The following NCOA4 variants were observed in gnomAD, a reference collection of about 807,000 sequenced individuals.
NCOA4 encodes nuclear receptor coactivator 4.
Under a neutral mutation model 69.5 loss-of-function variants are expected in NCOA4, and 31 were observed. That is an observed-to-expected ratio of 0.45 (90% CI 0.34 to 0.60). The LOEUF (loss-of-function observed/expected upper bound fraction) is 0.60, where lower values mean the gene tolerates loss of function less well. Among genes scored for constraint, NCOA4 ranks in the 20% least tolerant of loss-of-function variants. NCOA4 has a pLI of 0.02. For missense variants in NCOA4, 600 were observed against 719.2 expected, an observed-to-expected ratio of 0.83 and a Z score of 1.90; for synonymous variants, 228 against 252.4, an observed-to-expected ratio of 0.90 and a Z score of 0.92.
chr10:46,016,544 C>T lies in NCOA4; in HGVS notation c.137G>A (p.Arg46Gln), dbSNP rs1554923257. 10 of 1,517,448 alleles carry T rather than the reference C, an allele frequency of 6.6e-6. No individual in the cohort carries two copies. Among genetic ancestry groups the T allele is most frequent in the African/African-American group, 1.4e-5 (1 of 72,532 alleles). 94.0% of individuals were successfully genotyped at this position (1,517,448 alleles called of 1,614,324 possible). ...AGAGAAAAGCACATGTCACACCTCTCGCAAGTTATCTTTAATTTGCTGTTC... is the reference window on the plus strand; with the variant it reads ...AGAGAAAAGCACATGTCACACCTCTTGCAAGTTATCTTTAATTTGCTGTTC... ...RAEQQIKDNLREVKAQIHSCI... is the reference protein window; with the variant it reads ...RAEQQIKDNLQEVKAQIHSCI... Residue 46 changes from arginine to glutamine, a missense_variant, in exon 2 of 10, where the codon CGA (arginine) becomes CAA (glutamine). Coordinates refer to ENST00000581486, the MANE Select transcript of NCOA4 (RefSeq NM_001145263.2).
intron 1 of NCOA4, among the ~76,000 whole-genome samples, chr10:46,021,977 TA>T (rs1839896722): frequency 6.6e-6 from 1 of 151,740 alleles, no homozygotes; most frequent in Non-Finnish European, 1.5e-5. Context: ...AATAAATAAA[TA>T]AATAAACAGT....
intron 9 of NCOA4, 34 bp downstream of exon 9, chr10:46,009,377 T>C (rs1554920533): frequency 6.3e-7 from 1 of 1,590,148 alleles, no homozygotes; most frequent in Admixed American, 1.8e-5. Context: ...TAAATAGCTA[T>C]AATCTAATTT....
chr10:46,022,503 C>G (rs1554924631), intron 1 of NCOA4: 2 of 456,300 alleles, frequency 4.4e-6, no homozygotes, highest in Non-Finnish European at 8.9e-6. Flanking sequence ...TCTAGCTCTG[C>G]CGCCCAGGCT....
Position 46,010,643 on chromosome 10 carries a change from A to G in NCOA4, c.1278T>C (p.Ala426=), listed in dbSNP as rs782001538. The change falls in exon 8 of 10, where the codon GCT becomes GCC. Residue 426 remains alanine (A), a synonymous_variant. Transcript: ENST00000581486. ...CTTTCTTCAGAAGCCACTTATACAG[A>G]GCCTCCTTCTCACAATTCTCATCAC... is the stretch of plus-strand genomic sequence containing the variant. ...CVCDENCEKE[A]LYKWLLKKEG... 6.2e-7 allele frequency: 1 copy of G among 1,614,090 alleles called. No homozygotes were observed. The highest frequency in any genetic ancestry group is 8.5e-7 in the Non-Finnish European group (1 of 1,180,026).
chr10:46,016,685 C>A lies in NCOA4; in HGVS notation c.-5G>T. 1 of 1,433,408 alleles carries A rather than the reference C, an allele frequency of 7.0e-7. No individual in the cohort carries two copies. Among genetic ancestry groups the A allele is most frequent in the Non-Finnish European group, 9.3e-7 (1 of 1,080,186 alleles). 88.8% of individuals were successfully genotyped at this position (1,433,408 alleles called of 1,614,324 possible). A position where few individuals can be genotyped will look rare whatever the true frequency, so the allele number is the denominator to read the frequency against. On this transcript the variant is annotated 5_prime_UTR_variant, in exon 2 of 10. In the 5' UTR this introduces an upstream ATG that the reference lacks. Transcript: ENST00000581486. ...CTGGTCTTGGAAGGTATTCATTCTC[C>A]TCACTGCTCCTTTAAAAGAAAAAAA... is the stretch of plus-strand genomic sequence containing the variant.
intron 1 of NCOA4, among the ~76,000 whole-genome samples, chr10:46,018,559 G>A (rs1273594151): frequency 1.3e-5 from 2 of 152,146 alleles, no homozygotes; most frequent in Non-Finnish European, 2.9e-5. Context: ...AAGGGAGAGA[G>A]GCCTCAAAAC....
rs1554922825 is a variant in NCOA4 at position 46,015,112 on chromosome 10, T to C, written c.282+14A>G. On this transcript the variant is annotated intron_variant, in intron 3 of 9. Transcript: ENST00000581486. ...GCCATGCTCAAACCAATTCTAGCCA[T>C]GCAGTCACCTTACCGAGTAGAGCTG... 4 of 1,614,208 alleles carry C rather than the reference T, an allele frequency of 2.5e-6. No individual in the cohort carries two copies. The highest frequency in any genetic ancestry group is 2.2e-5 in the South Asian group (2 of 91,088).
intron 1 of NCOA4, among the ~76,000 whole-genome samples, chr10:46,017,605 A>G (rs1554923577): frequency 6.6e-6 from 1 of 152,094 alleles, no homozygotes; most frequent in Non-Finnish European, 1.5e-5. Context: ...GAGAGAATAT[A>G]TGTAATATAT....
chr10:46,013,658 T>G lies in NCOA4; in HGVS notation c.481-19A>C, dbSNP rs200041303. 6.4e-7 allele frequency: 1 copy of G among 1,553,902 alleles called. No individual in the cohort carries two copies. Among genetic ancestry groups the G allele is most frequent in the Non-Finnish European group, 8.8e-7 (1 of 1,134,954 alleles). ...GAATTTGCTACAAAATAGAGATAAT[T>G]TAATCATGTTATTTATGCTATGCTG... On this transcript the variant is annotated intron_variant, in intron 5 of 9. Transcript: ENST00000581486.
intron 1 of NCOA4, among the ~76,000 whole-genome samples, chr10:46,028,066 C>T (rs1840255274): frequency 6.6e-6 from 1 of 152,170 alleles, no homozygotes; most frequent in Admixed American, 6.5e-5. Flanking sequence ...TTCCCCTCTA[C>T]CCTTACTCTT....
chr10:46,024,636 T>C (rs530066292), intron 1 of NCOA4, among the ~76,000 whole-genome samples: 1 of 152,366 alleles, frequency 6.6e-6, no homozygotes, highest in East Asian at 1.9e-4. Context: ...CACAAAAATC[T>C]AAAATTCTGC....
chr10:46,005,950 C>T lies in NCOA4; in HGVS notation c.*642G>A, dbSNP rs1362003974. On this transcript the variant is annotated 3_prime_UTR_variant, in exon 10 of 10. Transcript: ENST00000581486. Reference sequence around the variant, plus strand: ...TCACTGGATATTTTAATAACATTTACAGAAAGACAAAATTTGCAGTAGCTG... The same window carrying T: ...TCACTGGATATTTTAATAACATTTATAGAAAGACAAAATTTGCAGTAGCTG... 1 of 205,628 alleles carries T rather than the reference C, an allele frequency of 4.9e-6. No individual in the cohort carries two copies. Among genetic ancestry groups the T allele is most frequent in the Non-Finnish European group, 9.9e-6 (1 of 100,764 alleles). The allele number at this position is 205,628 out of a possible 1,614,324, so 12.7% of individuals were successfully genotyped here.
Position 46,011,037 on chromosome 10 carries a change from T to C in NCOA4, c.884A>G (p.Asp295Gly). Residue 295 changes from aspartate (D) to glycine (G), a missense_variant, in exon 8 of 10, where the codon GAT (aspartate) becomes GGT (glycine). By Grantham distance (94) the Asp-to-Gly change is moderately conservative. Transcript: ENST00000581486. ...MEKVGDQELP[D>G]QDEMDLSDWL... ...ATCTGATAGGTCCATCTCATCTTGATCAGGAAGCTCTTGATCTCCAACCTT... is the reference window on the plus strand; with the variant it reads ...ATCTGATAGGTCCATCTCATCTTGACCAGGAAGCTCTTGATCTCCAACCTT... The C allele has an allele frequency of 6.2e-7, 1 of 1,613,960 alleles. No individual in the cohort carries two copies. Among genetic ancestry groups the C allele is most frequent in the South Asian group, 1.1e-5 (1 of 91,076 alleles).
intron 1 of NCOA4, chr10:46,023,525 T>C (rs1338865900): frequency 3.0e-6 from 3 of 985,332 alleles, no homozygotes; most frequent in Non-Finnish European, 3.6e-6. Context: ...CTCCGCCCAT[T>C]GTTGCCCTGC....
rs1376737753 is a variant in NCOA4, at chr10:46,005,736, C to T, written c.*856G>A. ...GTGTCAAGCTCAGCTTCCATTTACACAGGATGCACCAATTATCCCTATGAT... is the reference window on the plus strand; with the variant it reads ...GTGTCAAGCTCAGCTTCCATTTACATAGGATGCACCAATTATCCCTATGAT... On this transcript the variant is annotated 3_prime_UTR_variant, in exon 10 of 10. Coordinates refer to ENST00000581486, the MANE Select transcript of NCOA4 (RefSeq NM_001145263.2). 4.6e-6 allele frequency: 1 copy of T among 215,766 alleles called. No homozygotes were observed. Among genetic ancestry groups the T allele is most frequent in the Non-Finnish European group, 9.4e-6 (1 of 106,662 alleles). 13.4% of individuals were successfully genotyped at this position (215,766 alleles called of 1,614,324 possible). A position where few individuals can be genotyped will look rare whatever the true frequency, so the allele number is the denominator to read the frequency against.
At chr10:46,019,360 G>C in intron 1 of NCOA4, 5 of 985,442 alleles carry the variant, frequency 5.1e-6, no homozygotes, top group Non-Finnish European at 4.8e-6. Flanking sequence ...CCGATTTGGA[G>C]AGCTGGAGCG....
chr10:46,013,418 C>G (rs1255660981), intron 6 of NCOA4, 132 bp downstream of exon 6: 3 of 659,842 alleles, frequency 4.5e-6, no homozygotes, highest in African/African-American at 1.8e-5. Context: ...GGGAAGCATT[C>G]AATTTCATAA....
At position 46,010,410 on chromosome 10, in the gene NCOA4, TTGTA is replaced by T; in HGVS notation, c.1507_1510del (p.Tyr503LysfsTer24). 6.2e-7 allele frequency: 1 copy of T among 1,614,166 alleles called. No individual in the cohort carries two copies. Among genetic ancestry groups the T allele is most frequent in the Non-Finnish European group, 8.5e-7 (1 of 1,180,034 alleles). ...AGGCACTTCCTTGGGACTTCCTTCT[TTGTA>T]TGGGGGCCTGATAAGCCACTCCGAC... On this transcript the variant is annotated frameshift_variant, in exon 8 of 10. Coordinates refer to ENST00000581486, the MANE Select transcript of NCOA4 (RefSeq NM_001145263.2). LOFTEE classifies it high-confidence loss of function.
At chr10:46,008,141 G>A (rs1554920265) in intron 9 of NCOA4, among the ~76,000 whole-genome samples, 1 of 152,244 alleles carries the variant, frequency 6.6e-6, no homozygotes, top group African/African-American at 2.4e-5. Context: ...TGCAGAAGGA[G>A]ATTAATGTTT....
Sources: gnomAD v4.1 joint callset for allele counts (sites outside exome capture counted in the v4.1 genomes callset) on GRCh38, gnomAD v4.1.1 for gene constraint, MANE v1.5 for transcripts, NCBI Gene and HGNC (gene_info 2026-07-23, HGNC 2026-07-21) for gene names.